Variants in TBCK observed in about 807,000 individuals in gnomAD.
TBCK encodes TBC domain-containing protein kinase-like protein.
A neutral mutation model predicts 113.4 loss-of-function variants in TBCK; 99 were observed. The observed-to-expected ratio is 0.87, with a 90% confidence interval of 0.74 to 1.03. The LOEUF is 1.03. Ranked by LOEUF, TBCK falls within the 50% of genes least tolerant of loss-of-function variation. The pLI is 0.00. For synonymous variants in TBCK, 369 were observed against 370.8 expected, an observed-to-expected ratio of 1.00 and a Z score of 0.05; for missense variants, 1,045 against 1,061.3, an observed-to-expected ratio of 0.98 and a Z score of 0.21.
At chr4:106,107,655 A>G (rs570822250) in intron 24 of TBCK, among the ~76,000 whole-genome samples, 1 of 152,320 alleles carries the variant, frequency 6.6e-6, no homozygotes, top group South Asian at 2.1e-4. Context: ...GAAATACAAT[A>G]TCACCAAATG....
intron 2 of TBCK, among the ~76,000 whole-genome samples, chr4:106,303,777 C>A (rs566477116): frequency 6.6e-6 from 1 of 152,264 alleles, no homozygotes; most frequent in African/African-American, 2.4e-5. Flanking sequence ...ACTACCCCTT[C>A]TTTTTTGCCT....
chr4:106,095,444 T>G (rs372935755), intron 25 of TBCK, 38 bp downstream of exon 25: 1 of 1,547,206 alleles, frequency 6.5e-7, no homozygotes. Context: ...GGTAAATCAC[T>G]CATCATATGT....
At chr4:106,287,927 G>T (rs1289924044) in intron 3 of TBCK, among the ~76,000 whole-genome samples, 1 of 151,990 alleles carries the variant, frequency 6.6e-6, no homozygotes, top group Non-Finnish European at 1.5e-5. Flanking sequence ...TTTTATTGTT[G>T]TTTTAAGCCA....
At chr4:106,124,349 C>A (rs945535568) in intron 23 of TBCK, among the ~76,000 whole-genome samples, 5 of 152,148 alleles carry the variant, frequency 3.3e-5, no homozygotes, top group African/African-American at 1.2e-4. Flanking sequence ...AGTCAGGAAA[C>A]AACAGGTGCT....
chr4:106,046,051 TAC>T lies in TBCK; in HGVS notation c.*517_*518del, dbSNP rs56689836. On this transcript the variant is annotated 3_prime_UTR_variant, in exon 26 of 26. Coordinates refer to ENST00000394708, the MANE Select transcript of TBCK (RefSeq NM_001163435.3). The stretch of plus-strand genomic sequence containing the variant: ...GCAATGGGATAAACTCCACTTCCTA[TAC>T]ACACACACACACACACATCCCCCTT... The T allele has an allele frequency of 0.2, 30,268 of 150,462 alleles. 4,098 individuals are homozygous for T. The highest frequency in any genetic ancestry group is 0.37 in the African/African-American group (15,134 of 41,174). The allele number at this position is 150,462 out of a possible 1,614,324, so 9.3% of individuals were successfully genotyped here. A position where few individuals can be genotyped will look rare whatever the true frequency, so the allele number is the denominator to read the frequency against.
At chr4:106,120,891 C>A (rs1744259081) in intron 23 of TBCK, among the ~76,000 whole-genome samples, 1 of 152,088 alleles carries the variant, frequency 6.6e-6, no homozygotes, top group Non-Finnish European at 1.5e-5. Flanking sequence ...AAACTGGAAA[C>A]TCTAAAACGC....
At position 106,045,457 on chromosome 4, in the gene TBCK, A is replaced by ATATG. The variant is rs1341378833; in HGVS notation, c.*1109_*1112dup. On this transcript the variant is annotated 3_prime_UTR_variant, in exon 26 of 26. Transcript: ENST00000394708. ...GGCAGAGGTTGTTAGCTGTACCTCAATATGTACTCTCTTCTTCCCACACAG... is the reference window on the plus strand; with the variant it reads ...GGCAGAGGTTGTTAGCTGTACCTCAATATGTATGTACTCTCTTCTTCCCACACAG... 1.3e-5 allele frequency: 2 copies of ATATG among 152,172 alleles called. No homozygotes were observed. The highest frequency in any genetic ancestry group is 4.8e-5 in the African/African-American group (2 of 41,448). 9.4% of individuals were successfully genotyped at this position (152,172 alleles called of 1,614,324 possible).
At chr4:106,248,105 TCA>T (rs1335141073) in intron 9 of TBCK, 138 bp downstream of exon 9, 7 of 450,452 alleles carry the variant, frequency 1.6e-5, no homozygotes, top group East Asian at 7.2e-5. Flanking sequence ...CTTACATCAT[TCA>T]CAGTTATGAT....
intron 25 of TBCK, among the ~76,000 whole-genome samples, chr4:106,064,064 G>T (rs1189129073): frequency 6.6e-6 from 1 of 151,846 alleles, no homozygotes; most frequent in Non-Finnish European, 1.5e-5. Context: ...GCCGGGAGAG[G>T]GGGGAAAAGC....
intron 22 of TBCK, among the ~76,000 whole-genome samples, chr4:106,188,261 T>C (rs1753263528): frequency 6.6e-6 from 1 of 152,210 alleles, no homozygotes; most frequent in African/African-American, 2.4e-5. Context: ...ATTTAATACA[T>C]TTTGGTCCTT....
At chr4:106,094,415 C>G (rs1231643585) in intron 25 of TBCK, among the ~76,000 whole-genome samples, 1 of 151,670 alleles carries the variant, frequency 6.6e-6, no homozygotes, top group African/African-American at 2.4e-5. Context: ...CTTTTTTGGT[C>G]TCTCTATATT....
At chr4:106,146,167 G>A (rs1747774588) in intron 23 of TBCK, among the ~76,000 whole-genome samples, 2 of 151,974 alleles carry the variant, frequency 1.3e-5, no homozygotes, top group South Asian at 4.2e-4. Flanking sequence ...ATGACAGACT[G>A]GATAAAGAAA....
intron 22 of TBCK, among the ~76,000 whole-genome samples, chr4:106,188,110 C>A (rs1224555715): frequency 2.6e-5 from 4 of 152,222 alleles, no homozygotes; most frequent in African/African-American, 7.2e-5. Context: ...TGAGAGTGGG[C>A]ATACTTGTCT....
intron 17 of TBCK, among the ~76,000 whole-genome samples, chr4:106,232,231 T>G (rs747269293): frequency 1.8e-4 from 28 of 151,842 alleles, no homozygotes; most frequent in Non-Finnish European, 3.4e-4. Context: ...ACATTTCTTT[T>G]ATTGATAATA....
intron 25 of TBCK, among the ~76,000 whole-genome samples, chr4:106,064,038 C>T (rs1736345491): frequency 6.6e-6 from 1 of 151,716 alleles, no homozygotes; most frequent in South Asian, 2.1e-4. Flanking sequence ...TTAAGGAATC[C>T]AGGAAGTAAT....
intron 1 of TBCK, among the ~76,000 whole-genome samples, chr4:106,309,709 T>C (rs1284621507): frequency 2.0e-5 from 3 of 152,134 alleles, no homozygotes; most frequent in African/African-American, 7.2e-5. Flanking sequence ...AGGTACCAAC[T>C]AGTAACGAAT....
intron 23 of TBCK, among the ~76,000 whole-genome samples, chr4:106,157,881 T>C (rs1749314846): frequency 6.6e-6 from 1 of 152,126 alleles, no homozygotes; most frequent in Non-Finnish European, 1.5e-5. Flanking sequence ...CTTTGCCCCC[T>C]CCCTATCATT....
At position 106,059,935 on chromosome 4, in the gene TBCK, T is replaced by C. The variant is rs1735851440; in HGVS notation, c.2572-13255A>G. On this transcript the variant is annotated intron_variant, in intron 25 of 25. Transcript: ENST00000394708. ...CTTCTTACTGATACAGGGAAAGTTT[T>C]TGTGGTCTGGATAGGAGATCAAACT... Among the ~76,000 whole-genome samples the C allele has an allele frequency of 4.0e-5, 6 of 151,872 alleles. 1 individual carries two copies. In the South Asian group the frequency reaches 1.2e-3, roughly 31 times the overall value.
rs537011791 is a variant in TBCK at position 106,198,598 on chromosome 4, T to C, written c.1861-3844A>G. 3.6e-3 allele frequency among the ~76,000 whole-genome samples: 554 copies of C among 152,236 alleles called. 3 individuals are homozygous for C. Among genetic ancestry groups the C allele is most frequent in the African/African-American group, 0.013 (525 of 41,546 alleles). The stretch of plus-strand genomic sequence containing the variant: ...AAAACTTTTTGTATATTTTTTATGA[T>C]ACCTATCCCACTATGCTTTGTATCA... On this transcript the variant is annotated intron_variant, in intron 20 of 25. Coordinates refer to ENST00000394708, the MANE Select transcript of TBCK (RefSeq NM_001163435.3).
Sources: gnomAD v4.1 joint callset for allele counts (sites outside exome capture counted in the v4.1 genomes callset) on GRCh38, gnomAD v4.1.1 for gene constraint, MANE v1.5 for transcripts, NCBI Gene and HGNC (gene_info 2026-07-23, HGNC 2026-07-21) for gene names.